Variants in RBMS3 observed in about 807,000 individuals in gnomAD.
RBMS3 encodes the protein RNA-binding motif, single-stranded-interacting protein 3.
Under a neutral mutation model 66.8 loss-of-function variants are expected in RBMS3, and 27 were observed. The ratio of observed to expected loss-of-function variants is 0.40; its 90% CI spans 0.30 to 0.56. RBMS3 has a LOEUF of 0.56. RBMS3 is among the 20% of genes least tolerant of loss of function. The probability of loss-of-function intolerance (pLI) is 0.40; values close to 1 mark genes in which losing one functional copy is unlikely to be tolerated. For synonymous variants in RBMS3, 188 were observed against 183.0 expected, an observed-to-expected ratio of 1.03 and a Z score of -0.22; for missense variants, 513 against 549.5, an observed-to-expected ratio of 0.93 and a Z score of 0.66.
chr3:29,397,685 C>T (rs1233307732), intron 1 of RBMS3, among the ~76,000 whole-genome samples: 2 of 152,110 alleles, frequency 1.3e-5, no homozygotes, highest in East Asian at 3.9e-4. Flanking sequence ...GCTCTTCACC[C>T]CTCCCCCTTA....
chr3:29,439,405 G>A (rs1189230702), intron 2 of RBMS3, among the ~76,000 whole-genome samples: 3 of 152,124 alleles, frequency 2.0e-5, no homozygotes, highest in Non-Finnish European at 2.9e-5. Flanking sequence ...TTTTTGTTCA[G>A]AGAAGAGGGT....
chr3:29,282,781 G>T (rs1192616391), intron 1 of RBMS3, among the ~76,000 whole-genome samples: 1 of 152,076 alleles, frequency 6.6e-6, no homozygotes, highest in African/African-American at 2.4e-5. Context: ...AATGATCTAT[G>T]CTGTCACCAG....
chr3:29,819,360 A>C (rs1196652825), intron 6 of RBMS3, among the ~76,000 whole-genome samples: 2 of 152,226 alleles, frequency 1.3e-5, no homozygotes, highest in Non-Finnish European at 2.9e-5. Flanking sequence ...CAAGGTGTAA[A>C]TAAATAGAGG....
chr3:29,348,840 T>C (rs2036739200), intron 1 of RBMS3, among the ~76,000 whole-genome samples: 2 of 152,144 alleles, frequency 1.3e-5, no homozygotes, highest in African/African-American at 4.8e-5. Flanking sequence ...TTAATAAAAA[T>C]GTAGATTAAC....
intron 3 of RBMS3, among the ~76,000 whole-genome samples, chr3:29,493,819 G>A (rs567738959): frequency 6.6e-6 from 1 of 152,250 alleles, no homozygotes; most frequent in Admixed American, 6.5e-5. Flanking sequence ...TAAAATAATA[G>A]GCAGAGATTG....
intron 6 of RBMS3, among the ~76,000 whole-genome samples, chr3:29,770,960 T>C (rs1357795260): frequency 6.6e-6 from 1 of 152,078 alleles, no homozygotes; most frequent in African/African-American, 2.4e-5. Flanking sequence ...TGCAACTCTC[T>C]CCTTGTAACC....
intron 2 of RBMS3, among the ~76,000 whole-genome samples, chr3:29,468,696 A>C (rs1050024901): frequency 6.6e-6 from 1 of 152,126 alleles, no homozygotes. Context: ...ATTTCACATA[A>C]AATTGGCTTC....
intron 12 of RBMS3, among the ~76,000 whole-genome samples, chr3:29,975,070 ATAT>A (rs1340458711): frequency 7.3e-6 from 1 of 136,122 alleles, no homozygotes; most frequent in Non-Finnish European, 1.5e-5. Context: ...GTTTCTATAT[ATAT>A]TTTATATATA....
intron 3 of RBMS3, among the ~76,000 whole-genome samples, chr3:29,555,069 A>G (rs913931557): frequency 1.3e-5 from 2 of 152,182 alleles, no homozygotes; most frequent in Non-Finnish European, 2.9e-5. Context: ...TCATGAGTAT[A>G]TAATCACCTT....
At chr3:29,706,597 C>T (rs899586896) in intron 4 of RBMS3, among the ~76,000 whole-genome samples, 2 of 151,262 alleles carry the variant, frequency 1.3e-5, no homozygotes, top group Non-Finnish European at 2.9e-5. Context: ...TACCCCACTA[C>T]ACCACTCTCT....
chr3:29,400,413 G>C (rs1216612121), intron 1 of RBMS3, among the ~76,000 whole-genome samples: 2 of 152,030 alleles, frequency 1.3e-5, no homozygotes, highest in Non-Finnish European at 2.9e-5. Flanking sequence ...TTAGTTACCA[G>C]AGGCTGGAAG....
intron 1 of RBMS3, among the ~76,000 whole-genome samples, chr3:29,321,890 T>C (rs2035028602): frequency 6.6e-6 from 1 of 152,154 alleles, no homozygotes; most frequent in Non-Finnish European, 1.5e-5. Context: ...ACTAAGCGGC[T>C]CTAAATGGTT....
intron 10 of RBMS3, among the ~76,000 whole-genome samples, chr3:29,904,282 T>C (rs1359724155): frequency 6.6e-6 from 1 of 152,044 alleles, no homozygotes; most frequent in African/African-American, 2.4e-5. Flanking sequence ...TCATCATTTC[T>C]ATTCTCCGGA....
intron 10 of RBMS3, among the ~76,000 whole-genome samples, chr3:29,911,186 C>T (rs936596345): frequency 6.6e-6 from 1 of 151,944 alleles, no homozygotes; most frequent in Admixed American, 6.6e-5. Flanking sequence ...GTTTTTTAGA[C>T]CAACAAGTGT....
chr3:29,417,958 G>A (rs1444501055), intron 1 of RBMS3, among the ~76,000 whole-genome samples: 1 of 152,038 alleles, frequency 6.6e-6, no homozygotes, highest in African/African-American at 2.4e-5. Context: ...ATGTGTTCTT[G>A]ACTAACAGGA....
At chr3:29,826,616 A>C (rs1350865473) in intron 6 of RBMS3, among the ~76,000 whole-genome samples, 1 of 152,160 alleles carries the variant, frequency 6.6e-6, no homozygotes, top group Non-Finnish European at 1.5e-5. Context: ...TGGCTCTCAC[A>C]GGGCTGTCAC....
intron 12 of RBMS3, among the ~76,000 whole-genome samples, chr3:29,980,497 AGTCTTTGCCTATGCCTAT>A (rs2149781264): frequency 6.6e-6 from 1 of 152,230 alleles, no homozygotes; most frequent in East Asian, 1.9e-4. Context: ...TTAGTCTTGA[AGTCTTTGCCTATGCCTAT>A]GTCCTGGATG....
intron 4 of RBMS3, among the ~76,000 whole-genome samples, chr3:29,716,929 C>T (rs1304353753): frequency 1.3e-5 from 2 of 151,608 alleles, no homozygotes; most frequent in Admixed American, 6.6e-5. Context: ...ACGTATTACA[C>T]ATACAGACAT....
chr3:29,793,242 G>T (rs955497830), intron 6 of RBMS3, among the ~76,000 whole-genome samples: 2 of 144,974 alleles, frequency 1.4e-5, no homozygotes, highest in Non-Finnish European at 3.0e-5. Context: ...AAAAAAAAAA[G>T]AAAAAGGAAA....
Sources: gnomAD v4.1 joint callset for allele counts (sites outside exome capture counted in the v4.1 genomes callset) on GRCh38, gnomAD v4.1.1 for gene constraint, MANE v1.5 for transcripts, NCBI Gene and HGNC (gene_info 2026-07-23, HGNC 2026-07-21) for gene names.